The following DCC variants were observed in gnomAD, a reference collection of about 807,000 sequenced individuals.
The protein encoded by DCC is DCC netrin 1 receptor, also known as netrin receptor DCC.
A neutral mutation model predicts 172.5 loss-of-function variants in DCC; 58 were observed. The observed-to-expected ratio is 0.34, with a 90% CI of 0.27 to 0.42. The LOEUF (loss-of-function observed/expected upper bound fraction) is 0.42. Among genes scored for constraint, DCC ranks in the 10% least tolerant of loss-of-function variants. The probability of loss-of-function intolerance (pLI) is 1.00; values close to 1 mark genes in which losing one functional copy is unlikely to be tolerated. For synonymous variants in DCC, 709 were observed against 644.5 expected, an observed-to-expected ratio of 1.10 and a Z score of -1.52; for missense variants, 1,740 against 1,791.0, an observed-to-expected ratio of 0.97 and a Z score of 0.51.
intron 25 of DCC, among the ~76,000 whole-genome samples, chr18:53,476,320 G>T (rs1273765156): frequency 6.6e-6 from 1 of 152,084 alleles, no homozygotes; most frequent in South Asian, 2.1e-4. Context: ...GGGGCCAGGG[G>T]CAGAATTATA....
intron 1 of DCC, among the ~76,000 whole-genome samples, chr18:52,402,931 A>G (rs746928990): frequency 3.3e-5 from 5 of 152,054 alleles, no homozygotes; most frequent in Non-Finnish European, 7.4e-5. Context: ...TTAAAACAGT[A>G]CAGTCAGTGT....
At chr18:53,321,314 T>G (rs902175963) in intron 13 of DCC, among the ~76,000 whole-genome samples, 1 of 152,204 alleles carries the variant, frequency 6.6e-6, no homozygotes, top group Non-Finnish European at 1.5e-5. Context: ...ATATCATTTA[T>G]TTTACAATAA....
chr18:52,922,062 T>C (rs1024231894), intron 3 of DCC, among the ~76,000 whole-genome samples: 1 of 135,006 alleles, frequency 7.4e-6, no homozygotes, highest in African/African-American at 2.6e-5. Flanking sequence ...AAAGTCACTT[T>C]GAAGAAAGGA....
intron 1 of DCC, among the ~76,000 whole-genome samples, chr18:52,384,706 A>G (rs1244724383): frequency 6.6e-6 from 1 of 152,174 alleles, no homozygotes; most frequent in Non-Finnish European, 1.5e-5. Flanking sequence ...TGCCTGATTC[A>G]GAAATGGACT....
At chr18:52,401,586 C>T (rs1157118108) in intron 1 of DCC, among the ~76,000 whole-genome samples, 1 of 151,928 alleles carries the variant, frequency 6.6e-6, no homozygotes, top group Admixed American at 6.6e-5. Context: ...TGAAAATGGC[C>T]CTGTCCTCAG....
At chr18:53,421,500 C>T (rs112598554) in intron 21 of DCC, among the ~76,000 whole-genome samples, 1 of 152,128 alleles carries the variant, frequency 6.6e-6, no homozygotes, top group Non-Finnish European at 1.5e-5. Flanking sequence ...GTTTACAGAT[C>T]CAGATAAAGA....
At chr18:53,350,507 C>A (rs2057778732) in intron 15 of DCC, among the ~76,000 whole-genome samples, 1 of 151,894 alleles carries the variant, frequency 6.6e-6, no homozygotes, top group Non-Finnish European at 1.5e-5. Flanking sequence ...GCTAAGCATA[C>A]AAAAAAGTAA....
chr18:53,513,006 T>C (rs1229185484), intron 27 of DCC, among the ~76,000 whole-genome samples: 2 of 151,960 alleles, frequency 1.3e-5, no homozygotes, highest in African/African-American at 4.8e-5. Flanking sequence ...AGACACATAA[T>C]TGTCAGATTC....
Position 53,063,402 on chromosome 18 carries a change from T to C in DCC, c.1083T>C (p.Thr361=). 6.2e-7 allele frequency: 1 copy of C among 1,612,524 alleles called. No homozygotes were observed. Among genetic ancestry groups the C allele is most frequent in the Non-Finnish European group, 8.5e-7 (1 of 1,178,634 alleles). ...CAGTCTCTGGAAAGCCTGTGCCCAC[T>C]GTGAATTGGATGAAGAATGGAGATG... ...ECTVSGKPVP[T]VNWMKNGDVV... The change falls in exon 6 of 29, where the codon ACT becomes ACC. Residue 361 remains threonine, a synonymous_variant. Transcript: ENST00000442544.
chr18:53,081,847 C>T (rs1446719049), intron 7 of DCC, among the ~76,000 whole-genome samples: 1 of 151,986 alleles, frequency 6.6e-6, no homozygotes, highest in Non-Finnish European at 1.5e-5. Context: ...TTAAATTAAA[C>T]AGTCTTCACA....
At chr18:53,462,083 A>C (rs1346279225) in intron 24 of DCC, among the ~76,000 whole-genome samples, 1 of 152,178 alleles carries the variant, frequency 6.6e-6, no homozygotes, top group East Asian at 1.9e-4. Flanking sequence ...AGAAAGTACC[A>C]TTTGAAGTTC....
At chr18:52,791,236 T>A (rs2037761472) in intron 2 of DCC, among the ~76,000 whole-genome samples, 1 of 152,178 alleles carries the variant, frequency 6.6e-6, no homozygotes, top group Non-Finnish European at 1.5e-5. Context: ...TGCAAAGGTC[T>A]AGCAAAAAGG....
intron 2 of DCC, among the ~76,000 whole-genome samples, chr18:52,785,984 A>G (rs972459376): frequency 6.6e-6 from 1 of 152,154 alleles, no homozygotes; most frequent in African/African-American, 2.4e-5. Flanking sequence ...ATTAAGCAAA[A>G]TACTACAGCA....
chr18:53,243,687 A>G (rs1443255108), intron 12 of DCC, among the ~76,000 whole-genome samples: 1 of 152,148 alleles, frequency 6.6e-6, no homozygotes, highest in Non-Finnish European at 1.5e-5. Context: ...AACTATCATC[A>G]GGATTCAGGC....
chr18:52,797,310 C>A lies in DCC; in HGVS notation c.412+44936C>A, dbSNP rs1363741948. Among the ~76,000 whole-genome samples the A allele has an allele frequency of 1.3e-5, 2 of 152,268 alleles. 1 individual carries two copies. Among genetic ancestry groups the A allele is most frequent in the South Asian group, 4.1e-4 (2 of 4,826 alleles). ...AATTATTTTGTTCTTTTGGAGGCATCATGTTTCCTTTTTTTGTTTCTTGTG... is the reference window on the plus strand; with the variant it reads ...AATTATTTTGTTCTTTTGGAGGCATAATGTTTCCTTTTTTTGTTTCTTGTG... On this transcript the variant is annotated intron_variant, in intron 2 of 28. Transcript: ENST00000442544.
In DCC at chr18:52,902,103, G is replaced by A. The variant is rs1207774019; in HGVS notation, c.413-3941G>A. Reference sequence around the variant, plus strand: ...GAAGTTCCATAAGAAATACAGCCAAGAGGAAACCATGTTTAGGACATCTAC... The same window carrying A: ...GAAGTTCCATAAGAAATACAGCCAAAAGGAAACCATGTTTAGGACATCTAC... On this transcript the variant is annotated intron_variant, in intron 2 of 28. Transcript: ENST00000442544. Among the ~76,000 whole-genome samples, 2 of 152,186 alleles carry A rather than the reference G, an allele frequency of 1.3e-5. 1 individual carries two copies. The highest frequency in any genetic ancestry group is 4.1e-4 in the South Asian group (2 of 4,828).
At chr18:53,216,800 C>A (rs559615018) in intron 12 of DCC, among the ~76,000 whole-genome samples, 1 of 152,130 alleles carries the variant, frequency 6.6e-6, no homozygotes, top group East Asian at 1.9e-4. Context: ...AAGAAAATAA[C>A]TAAACTTAGT....
chr18:53,206,307 A>G (rs1434094562), intron 10 of DCC, among the ~76,000 whole-genome samples: 13 of 94,538 alleles, frequency 1.4e-4, no homozygotes, highest in African/African-American at 5.2e-4. Flanking sequence ...ATTGTAACAC[A>G]TATATACATA....
chr18:53,358,888 GA>G (rs1029074941), intron 15 of DCC, among the ~76,000 whole-genome samples: 3 of 152,110 alleles, frequency 2.0e-5, no homozygotes, highest in African/African-American at 7.2e-5. Flanking sequence ...ATTATTTCAT[GA>G]AAAGAATAAG....
Sources: gnomAD v4.1 joint callset for allele counts (sites outside exome capture counted in the v4.1 genomes callset) on GRCh38, gnomAD v4.1.1 for gene constraint, MANE v1.5 for transcripts, NCBI Gene and HGNC (gene_info 2026-07-23, HGNC 2026-07-21) for gene names.